CCDC6: variants seen among roughly 807,000 people sequenced by gnomAD.
CCDC6 encodes coiled-coil domain containing 6, also known as coiled-coil domain-containing protein 6.
CCDC6 carries 20 observed loss-of-function variants against 56.6 expected under a neutral mutation model. That is an observed-to-expected ratio of 0.35 (90% CI 0.25 to 0.51). CCDC6 has a LOEUF of 0.51. Among genes scored for constraint, CCDC6 ranks in the 20% least tolerant of loss-of-function variants. The pLI is 0.95. For synonymous variants in CCDC6, 241 were observed against 234.4 expected (o/e 1.03, Z -0.26); for missense variants, 367 against 601.1 (o/e 0.61, Z 4.07).
Position 59,834,751 on chromosome 10 carries a change from T to C in CCDC6, c.454-2098A>G, listed in dbSNP as rs1326058353. Among the ~76,000 whole-genome samples, 4 of 152,144 alleles carry C rather than the reference T, an allele frequency of 2.6e-5. No individual in the cohort carries two copies. The South Asian group carries it at 6.2e-4, about 24-fold the overall frequency. ...AAGGAGGTGCTTACAGTGACAAGTC[T>C]ATATTTAGCTAGCTCTTTAAAACTC... On this transcript the variant is annotated intron_variant, in intron 2 of 8. Coordinates refer to ENST00000263102, the MANE Select transcript of CCDC6 (RefSeq NM_005436.5).
At chr10:59,822,372 T>C (rs2070755746) in intron 3 of CCDC6, among the ~76,000 whole-genome samples, 1 of 141,660 alleles carries the variant, frequency 7.1e-6, no homozygotes, top group Non-Finnish European at 1.6e-5. Context: ...AACATTTTCA[T>C]CACTTTAACA....
chr10:59,884,730 C>T (rs769896650), intron 1 of CCDC6, among the ~76,000 whole-genome samples: 9 of 152,142 alleles, frequency 5.9e-5, no homozygotes, highest in African/African-American at 9.7e-5. Context: ...AATATAGGCA[C>T]ACACTTGTAT....
intron 1 of CCDC6, among the ~76,000 whole-genome samples, chr10:59,879,211 A>G (rs2440908): frequency 0.76 from 115,646 of 152,078 alleles, 44,223 homozygotes; most frequent in East Asian, 0.9. Flanking sequence ...CACTTAAGAA[A>G]CCTGAAAACA....
intron 7 of CCDC6, among the ~76,000 whole-genome samples, chr10:59,795,746 G>C (rs546562227): frequency 6.6e-6 from 1 of 151,238 alleles, no homozygotes; most frequent in Non-Finnish European, 1.5e-5. Context: ...TTGTCCTTGC[G>C]ATAGTTTACT....
rs548843970 is a variant in CCDC6, at chr10:59,871,002, C to A, written c.304-18300G>T. ...AAACTCATCAGTATGAGAGGAGAGT[C>A]AGTCAGATCTATGTTTAGAAATGAA... is the stretch of plus-strand genomic sequence containing the variant. On this transcript the variant is annotated intron_variant, in intron 1 of 8. Coordinates refer to ENST00000263102, the MANE Select transcript of CCDC6 (RefSeq NM_005436.5). Among the ~76,000 whole-genome samples, 6 of 152,060 alleles carry A rather than the reference C, an allele frequency of 3.9e-5. No individual in the cohort carries two copies. The East Asian group carries it at 1.2e-3, about 29-fold the overall frequency.
chr10:59,857,109 A>G (rs538715067), intron 1 of CCDC6, among the ~76,000 whole-genome samples: 123 of 152,308 alleles, frequency 8.1e-4, no homozygotes, highest in African/African-American at 2.9e-3. Flanking sequence ...TAATGTGAGG[A>G]CTAGACCACA....
chr10:59,813,402 T>C (rs190693746), intron 4 of CCDC6, among the ~76,000 whole-genome samples: 35 of 152,352 alleles, frequency 2.3e-4, no homozygotes, highest in Admixed American at 2.3e-3. Flanking sequence ...CTTTACCAAT[T>C]ATTTTTATGT....
chr10:59,887,847 G>A (rs1230054916), intron 1 of CCDC6, among the ~76,000 whole-genome samples: 1 of 152,046 alleles, frequency 6.6e-6, no homozygotes, highest in Non-Finnish European at 1.5e-5. Flanking sequence ...GGAGCTAACA[G>A]AGGAGAAAGA....
At chr10:59,837,746 C>CA (rs397940135) in intron 2 of CCDC6, among the ~76,000 whole-genome samples, 1,795 of 49,342 alleles carry the variant, frequency 0.036, 151 homozygotes, top group Middle Eastern at 0.12. Flanking sequence ...GACTCTGTCT[C>CA]AAAAAAAAAA....
At chr10:59,900,877 T>A (rs964613909) in intron 1 of CCDC6, among the ~76,000 whole-genome samples, 2 of 152,072 alleles carry the variant, frequency 1.3e-5, no homozygotes, top group African/African-American at 4.8e-5. Context: ...CTGGACAACA[T>A]GGTAAACACC....
chr10:59,822,554 T>C (rs2070757209), intron 3 of CCDC6, among the ~76,000 whole-genome samples: 1 of 152,168 alleles, frequency 6.6e-6, no homozygotes, highest in South Asian at 2.1e-4. Context: ...TCTGTAACTG[T>C]TGCAAATATA....
In CCDC6 at chr10:59,837,746, CAAAAAAAAAAAAAA is replaced by C. The variant is rs397940135; in HGVS notation, c.454-5107_454-5094del. ...GGGCAACAAGAGTGAGACTCTGTCT[CAAAAAAAAAAAAAA>C]AAAAAAAAAAGAAAGAAGAAGAAGC... On this transcript the variant is annotated intron_variant, in intron 2 of 8. Coordinates refer to ENST00000263102, the MANE Select transcript of CCDC6 (RefSeq NM_005436.5). 1.3e-3 allele frequency among the ~76,000 whole-genome samples: 66 copies of C among 49,748 alleles called. 1 individual carries two copies. The highest frequency in any genetic ancestry group is 4.1e-3 in the African/African-American group (65 of 15,712). 32.6% of individuals were successfully genotyped at this position (49,748 alleles called of 152,430 possible). A position where few individuals can be genotyped will look rare whatever the true frequency, so the allele number is the denominator to read the frequency against.
chr10:59,795,185 TG>T (rs2070503452), intron 7 of CCDC6, among the ~76,000 whole-genome samples: 1 of 151,940 alleles, frequency 6.6e-6, no homozygotes, highest in Non-Finnish European at 1.5e-5. Context: ...ACCTATAGAA[TG>T]GGAGGAGATA....
chr10:59,906,357 A>T lies in CCDC6; in HGVS notation c.68T>A (p.Met23Lys), dbSNP rs757205084. The change falls in exon 1 of 9, where the codon ATG becomes AAG. Residue 23 changes from methionine (M) to lysine (K), a missense_variant. Met to Lys is a moderately conservative substitution (Grantham distance 95). Around this residue, in one of 7 missense-constraint regions of CCDC6, gnomAD observed 79 missense variants for 74.9 expected, o/e 1.05. Coordinates refer to ENST00000263102, the MANE Select transcript of CCDC6 (RefSeq NM_005436.5). ...AGGNSSSSAA[M>K]QSSCSSTSGG... ...CGAGGTCGACGAGCAGGACGACTGC[A>T]TGGCGGCCGAGCTGCTGCTGTTGCC... 2 of 1,595,676 alleles carry T rather than the reference A, an allele frequency of 1.3e-6. No homozygotes were observed. Among genetic ancestry groups the T allele is most frequent in the Non-Finnish European group, 1.7e-6 (2 of 1,178,152 alleles).
chr10:59,842,329 G>T (rs1015950054), intron 2 of CCDC6, among the ~76,000 whole-genome samples: 29 of 152,306 alleles, frequency 1.9e-4, no homozygotes, highest in Admixed American at 8.5e-4. Context: ...TTACAGGTGT[G>T]AGCCACCGTG....
At chr10:59,881,988 AGGGAGAAGGAAAGCTG>A (rs2071339693) in intron 1 of CCDC6, among the ~76,000 whole-genome samples, 3 of 148,174 alleles carry the variant, frequency 2.0e-5, no homozygotes, top group East Asian at 2.1e-4. Flanking sequence ...AAGGAGAGGG[AGGGAGAAGGAAAGCTG>A]GGGAGAAGGA....
At chr10:59,878,565 A>G (rs1272749456) in intron 1 of CCDC6, among the ~76,000 whole-genome samples, 1 of 152,264 alleles carries the variant, frequency 6.6e-6, no homozygotes, top group Non-Finnish European at 1.5e-5. Context: ...GCCAGAAATC[A>G]GAAGGTTCAA....
At chr10:59,799,527 A>G (rs2070555247) in intron 7 of CCDC6, among the ~76,000 whole-genome samples, 1 of 152,232 alleles carries the variant, frequency 6.6e-6, no homozygotes, top group South Asian at 2.1e-4. Context: ...AGTGAATATC[A>G]AAGTTCTGCT....
chr10:59,850,459 C>T (rs1175468316), intron 2 of CCDC6, among the ~76,000 whole-genome samples: 1 of 152,180 alleles, frequency 6.6e-6, no homozygotes, highest in African/African-American at 2.4e-5. Context: ...CAAGTTGAAT[C>T]ACCAACAAGC....
Sources: gnomAD v4.1 joint callset for allele counts (sites outside exome capture counted in the v4.1 genomes callset) on GRCh38, gnomAD v4.1.1 for gene constraint, gnomAD v4.1.1 regional missense constraint, MANE v1.5 for transcripts, NCBI Gene and HGNC (gene_info 2026-07-23, HGNC 2026-07-21) for gene names.